Variants in DEPDC5 observed in about 807,000 individuals in gnomAD.
DEPDC5 encodes DEP domain containing 5, GATOR1 subcomplex subunit.
Under a neutral mutation model 217.3 loss-of-function variants are expected in DEPDC5, and 73 were observed. That is an observed-to-expected ratio of 0.34 (90% confidence interval 0.28 to 0.41). DEPDC5 has a LOEUF of 0.41. Among genes scored for constraint, DEPDC5 ranks in the 10% least tolerant of loss-of-function variants. DEPDC5 has a pLI of 1.00. For synonymous variants in DEPDC5, 733 were observed against 756.7 expected, an observed-to-expected ratio of 0.97 and a Z score of 0.51; for missense variants, 1,675 against 2,070.1, an observed-to-expected ratio of 0.81 and a Z score of 3.70.
chr22:31,848,280 G>T (rs533572524), intron 31 of DEPDC5, among the ~76,000 whole-genome samples: 15 of 152,256 alleles, frequency 9.9e-5, no homozygotes, highest in Admixed American at 2.6e-4. Context: ...GTGGATGGTG[G>T]CCCTCTTCTC....
chr22:31,796,624 T>G (rs1473013242), intron 12 of DEPDC5, among the ~76,000 whole-genome samples: 1 of 152,200 alleles, frequency 6.6e-6, no homozygotes, highest in Non-Finnish European at 1.5e-5. Context: ...GTACAGCCAG[T>G]GTATGCTCCA....
intron 31 of DEPDC5, among the ~76,000 whole-genome samples, chr22:31,848,148 G>A (rs2091847402): frequency 6.6e-6 from 1 of 152,200 alleles, no homozygotes; most frequent in Non-Finnish European, 1.5e-5. Flanking sequence ...GGTAGCTCCA[G>A]CCCTGTGGCT....
At chr22:31,802,636 T>C (rs1165539219) in intron 14 of DEPDC5, 68 bp from the exon 15 acceptor site, 4 of 1,440,148 alleles carry the variant, frequency 2.8e-6, no homozygotes, top group Non-Finnish European at 3.7e-6. Flanking sequence ...AGTGTAGAGA[T>C]GCTTGTCTGT....
intron 38 of DEPDC5, among the ~76,000 whole-genome samples, chr22:31,881,650 A>T (rs557534007): frequency 6.6e-6 from 1 of 152,200 alleles, no homozygotes; most frequent in African/African-American, 2.4e-5. Flanking sequence ...AGGACCTATT[A>T]GAAATAGCAA....
chr22:31,831,925 T>C (rs1332303181), intron 24 of DEPDC5, among the ~76,000 whole-genome samples: 1 of 152,242 alleles, frequency 6.6e-6, no homozygotes, highest in Non-Finnish European at 1.5e-5. Flanking sequence ...TGTTGCTTTG[T>C]CCTCAGTCCG....
At chr22:31,891,181 G>A (rs971203810) in intron 38 of DEPDC5, 12 of 575,208 alleles carry the variant, frequency 2.1e-5, no homozygotes, top group East Asian at 4.2e-5. Flanking sequence ...AAACTGTCAA[G>A]TACTAGGGCT....
intron 38 of DEPDC5, among the ~76,000 whole-genome samples, chr22:31,886,775 AAGAGAG>A (rs1235219932): frequency 7.5e-6 from 1 of 133,420 alleles, no homozygotes; most frequent in Non-Finnish European, 1.5e-5. Flanking sequence ...AAAAAAAAAA[AAGAGAG>A]AGAGAGAGGC....
At chr22:31,760,426 G>T (rs567523772) in intron 3 of DEPDC5, among the ~76,000 whole-genome samples, 1 of 152,010 alleles carries the variant, frequency 6.6e-6, no homozygotes, top group African/African-American at 2.4e-5. Context: ...GGATGGTCTC[G>T]ATCTCCTGAC....
chr22:31,838,595 A>G, intron 26 of DEPDC5, 90 bp from the exon 27 acceptor site: 1 of 1,524,406 alleles, frequency 6.6e-7, no homozygotes, highest in Non-Finnish European at 8.9e-7. Flanking sequence ...TTATAAGGGG[A>G]TGAAGCAAAG....
intron 39 of DEPDC5, 53 bp downstream of exon 39, chr22:31,893,804 T>C: frequency 1.4e-6 from 2 of 1,454,466 alleles, no homozygotes; most frequent in Non-Finnish European, 1.8e-6. Context: ...ACAGTGGGCA[T>C]GGAGATGCTT....
chr22:31,868,218 C>T (rs370104458), intron 33 of DEPDC5, among the ~76,000 whole-genome samples: 1 of 151,962 alleles, frequency 6.6e-6, no homozygotes, highest in Non-Finnish European at 1.5e-5. Flanking sequence ...AACTTTACCC[C>T]CCAAGGGACA....
Position 31,778,162 on chromosome 22 carries a change from T to C in DEPDC5, c.477T>C (p.Asp159=). ...EKVMCGYISE[D]TRVVFRSTSA... is the part of the protein sequence containing the mutation. ...TCATGTGTGGCTACATCAGTGAAGA[T>C]ACCAGGGTAAGATTTATAAAATGCT... is the stretch of plus-strand genomic sequence containing the variant. Residue 159 remains aspartate, a synonymous_variant, in exon 8 of 43, where the codon GAT becomes GAC. Transcript: ENST00000651528. 1.9e-6 allele frequency: 3 copies of C among 1,614,170 alleles called. No homozygotes were observed. The highest frequency in any genetic ancestry group is 2.5e-6 in the Non-Finnish European group (3 of 1,179,976).
chr22:31,810,720 A>G (rs1158412893), intron 20 of DEPDC5, 79 bp downstream of exon 20: 3 of 1,556,110 alleles, frequency 1.9e-6, no homozygotes, highest in Non-Finnish European at 2.6e-6. Context: ...CCTCTAAGAG[A>G]GCAACCTTGA....
At chr22:31,886,426 C>A (rs1289670134) in intron 38 of DEPDC5, among the ~76,000 whole-genome samples, 1 of 152,126 alleles carries the variant, frequency 6.6e-6, no homozygotes, top group Non-Finnish European at 1.5e-5. Context: ...AAATTCAGAT[C>A]ATCTCAGTTT....
At chr22:31,825,424 T>A (rs1031290316) in intron 24 of DEPDC5, among the ~76,000 whole-genome samples, 2 of 152,226 alleles carry the variant, frequency 1.3e-5, no homozygotes, top group African/African-American at 4.8e-5. Context: ...AAGCATTTGC[T>A]GCAACCTGAA....
chr22:31,857,299 G>T, intron 31 of DEPDC5, 146 bp from the exon 32 acceptor site: 1 of 628,756 alleles, frequency 1.6e-6, no homozygotes, highest in Non-Finnish European at 2.8e-6. Context: ...GAAATTAAGG[G>T]TATCATGAAG....
intron 18 of DEPDC5, among the ~76,000 whole-genome samples, chr22:31,806,857 A>G (rs1462883779): frequency 6.6e-6 from 1 of 152,168 alleles, no homozygotes; most frequent in African/African-American, 2.4e-5. Context: ...AAAAACTAAA[A>G]AAGAATTAGC....
intron 2 of DEPDC5, chr22:31,757,376 G>A (rs1285652103): frequency 3.3e-5 from 5 of 152,160 alleles, no homozygotes; most frequent in Non-Finnish European, 5.9e-5. Context: ...CTTGCCTTAG[G>A]AAGTGTGAAC....
rs548058131 is a variant in DEPDC5 at position 31,770,319 on chromosome 22, G to C, written c.413+1456G>C. ...CATGAAATATACATTCCTCTCCCCA[G>C]AAACAACTTGTTTCTTTCCTGAAAT... On this transcript the variant is annotated intron_variant, in intron 7 of 42. Transcript: ENST00000651528. Among the ~76,000 whole-genome samples the C allele has an allele frequency of 8.0e-5, 12 of 150,792 alleles. No homozygotes were observed. The South Asian group carries it at 2.5e-3, about 32-fold the overall frequency.
Sources: allele counts gnomAD v4.1 joint callset (sites outside exome capture counted in the v4.1 genomes callset), GRCh38; gene constraint gnomAD v4.1.1; transcripts MANE v1.5; gene names NCBI Gene and HGNC (gene_info 2026-07-23, HGNC 2026-07-21).